Variants in HECW1 observed in about 807,000 individuals in gnomAD.
HECW1 encodes E3 ubiquitin-protein ligase HECW1.
HECW1 carries 61 observed loss-of-function variants against 182.3 expected under a neutral mutation model. The ratio of observed to expected loss-of-function variants is 0.33; its 90% CI spans 0.27 to 0.41. The LOEUF is 0.41. Ranked by LOEUF, HECW1 falls within the 10% of genes least tolerant of loss-of-function variation. The probability of loss-of-function intolerance (pLI) is 1.00; values close to 1 mark genes in which losing one functional copy is unlikely to be tolerated. For missense variants in HECW1, 1,739 were observed against 2,108.9 expected (o/e 0.82, Z 3.44); for synonymous variants, 859 against 832.6 (o/e 1.03, Z -0.55).
chr7:43,131,720 T>TA (rs1786939834), intron 2 of HECW1, among the ~76,000 whole-genome samples: 1 of 152,234 alleles, frequency 6.6e-6, no homozygotes. Flanking sequence ...CGCTATGATT[T>TA]AAACCCTTTT....
At chr7:43,449,826 C>T (rs1223761181) in intron 11 of HECW1, among the ~76,000 whole-genome samples, 1 of 152,208 alleles carries the variant, frequency 6.6e-6, no homozygotes, top group Non-Finnish European at 1.5e-5. Context: ...GCCCTTCTCA[C>T]TCTGCAAAGA....
At chr7:43,426,203 A>C (rs992928877) in intron 8 of HECW1, among the ~76,000 whole-genome samples, 2 of 152,216 alleles carry the variant, frequency 1.3e-5, no homozygotes, top group Non-Finnish European at 2.9e-5. Flanking sequence ...ATCCTTTTAC[A>C]TCTGTTTATA....
intron 5 of HECW1, among the ~76,000 whole-genome samples, chr7:43,348,067 TC>T (rs1464327767): frequency 1.3e-5 from 2 of 152,186 alleles, no homozygotes; most frequent in African/African-American, 4.8e-5. Context: ...TCTTTCTCTA[TC>T]TTGTGGAATA....
intron 26 of HECW1, among the ~76,000 whole-genome samples, chr7:43,543,264 A>G (rs1183389764): frequency 6.6e-6 from 1 of 152,170 alleles, no homozygotes; most frequent in Non-Finnish European, 1.5e-5. Flanking sequence ...CCTCACATCA[A>G]TGTGGACAGT....
chr7:43,212,046 ACCCCT>A (rs1796049337), intron 2 of HECW1, among the ~76,000 whole-genome samples: 1 of 152,150 alleles, frequency 6.6e-6, no homozygotes, highest in Non-Finnish European at 1.5e-5. Flanking sequence ...ATTGGAAACA[ACCCCT>A]ACCCATATTT....
intron 2 of HECW1, among the ~76,000 whole-genome samples, chr7:43,137,760 G>A (rs1018273645): frequency 6.6e-6 from 1 of 151,890 alleles, no homozygotes; most frequent in Admixed American, 6.6e-5. Flanking sequence ...ATGTTGCTCA[G>A]GCTGGTCTCG....
At chr7:43,466,049 A>AGGAG (rs1364687338) in intron 14 of HECW1, among the ~76,000 whole-genome samples, 1 of 99,754 alleles carries the variant, frequency 1.0e-5, no homozygotes, top group Non-Finnish European at 2.1e-5. Flanking sequence ...GGAAGGGGGA[A>AGGAG]GGAGGGAGGG....
chr7:43,427,636 T>G lies in HECW1; in HGVS notation c.802-10367T>G, dbSNP rs189798368. ...GCAGCCATTTATTATCTCACAATTC[T>G]GTAGGTCAGAAGTCTGGGCACAACC... is the stretch of plus-strand genomic sequence containing the variant. On this transcript the variant is annotated intron_variant, in intron 8 of 29. Coordinates refer to ENST00000395891, the MANE Select transcript of HECW1 (RefSeq NM_015052.5). Among the ~76,000 whole-genome samples, 5 of 152,332 alleles carry G rather than the reference T, an allele frequency of 3.3e-5. No homozygotes were observed. In the East Asian group the frequency reaches 9.6e-4, roughly 29 times the overall value.
At chr7:43,174,935 T>A (rs915379057) in intron 2 of HECW1, among the ~76,000 whole-genome samples, 7 of 152,170 alleles carry the variant, frequency 4.6e-5, no homozygotes, top group African/African-American at 1.7e-4. Flanking sequence ...TTATATAATA[T>A]TTGAACAAAA....
intron 3 of HECW1, among the ~76,000 whole-genome samples, chr7:43,262,405 A>T (rs543185440): frequency 1.3e-5 from 2 of 152,214 alleles, no homozygotes; most frequent in African/African-American, 4.8e-5. Context: ...CAAGGTATTG[A>T]TGATATTATT....
chr7:43,558,263 G>A (rs57766152), intron 29 of HECW1, among the ~76,000 whole-genome samples: 1 of 152,226 alleles, frequency 6.6e-6, no homozygotes, highest in African/African-American at 2.4e-5. Context: ...GAATAAAGGA[G>A]AGGGGAGAAT....
Position 43,562,770 on chromosome 7 carries a change from A to G in HECW1, c.*844A>G. ...GAGGTAGCATGAAGGATGAGGCTTC[A>G]GCCCCCATTGTCTTATGTAGAATGT... On this transcript the variant is annotated 3_prime_UTR_variant, in exon 30 of 30. Coordinates refer to ENST00000395891, the MANE Select transcript of HECW1 (RefSeq NM_015052.5). The G allele has an allele frequency of 4.6e-6, 1 of 217,560 alleles. No homozygotes were observed. 13.5% of individuals were successfully genotyped at this position (217,560 alleles called of 1,614,324 possible). A position where few individuals can be genotyped will look rare whatever the true frequency, so the allele number is the denominator to read the frequency against.
Position 43,493,064 on chromosome 7 carries a change from T to A in HECW1, c.3341-20T>A. 6.4e-7 allele frequency: 1 copy of A among 1,571,160 alleles called. No homozygotes were observed. The highest frequency in any genetic ancestry group is 8.8e-7 in the Non-Finnish European group (1 of 1,141,972). On this transcript the variant is annotated intron_variant, in intron 18 of 29. Coordinates refer to ENST00000395891, the MANE Select transcript of HECW1 (RefSeq NM_015052.5). ...TCTGGGCTGCAGACTCAACCACAAC[T>A]GTGCTTTTGTCTGTTTCAGCATATA...
chr7:43,193,418 G>T (rs1316107495), intron 2 of HECW1, among the ~76,000 whole-genome samples: 2 of 151,822 alleles, frequency 1.3e-5, no homozygotes, highest in East Asian at 3.9e-4. Context: ...AACTTGCTCT[G>T]TCGCCCAGGC....
intron 2 of HECW1, among the ~76,000 whole-genome samples, chr7:43,131,035 G>A (rs1184772240): frequency 6.6e-6 from 1 of 152,142 alleles, no homozygotes; most frequent in Non-Finnish European, 1.5e-5. Flanking sequence ...GGAGGCCAAG[G>A]CGGGTGAATC....
chr7:43,560,666 T>A (rs1160591600), intron 29 of HECW1, among the ~76,000 whole-genome samples: 1 of 152,204 alleles, frequency 6.6e-6, no homozygotes, highest in Non-Finnish European at 1.5e-5. Flanking sequence ...AGTGATCTGA[T>A]ACTCTGATTT....
chr7:43,145,560 A>G (rs1788617965), intron 2 of HECW1, among the ~76,000 whole-genome samples: 1 of 152,192 alleles, frequency 6.6e-6, no homozygotes, highest in South Asian at 2.1e-4. Context: ...GGCCTCCCAA[A>G]GTGCTGGGAT....
Position 43,488,385 on chromosome 7 carries a change from A to AAT in HECW1, c.3235-3690_3235-3689insAT, listed in dbSNP as rs1563045114. ...AAGGAAGGAAGGAAGGAAGGAAGGA[A>AAT]GGAAGGAAGGAAGGAAATGAAAGAA... On this transcript the variant is annotated intron_variant, in intron 17 of 29. Coordinates refer to ENST00000395891, the MANE Select transcript of HECW1 (RefSeq NM_015052.5). 8.3e-4 allele frequency among the ~76,000 whole-genome samples: 83 copies of AAT among 100,404 alleles called. 3 individuals carry two copies. Among genetic ancestry groups the AAT allele is most frequent in the Non-Finnish European group, 1.7e-3 (70 of 41,776 alleles). The allele number at this position is 100,404 out of a possible 152,430, so 65.9% of individuals were successfully genotyped here.
intron 8 of HECW1, among the ~76,000 whole-genome samples, chr7:43,407,979 A>G (rs942398665): frequency 2.0e-5 from 3 of 152,160 alleles, no homozygotes; most frequent in African/African-American, 7.2e-5. Flanking sequence ...TTCAGAACCC[A>G]TGCCGCGAGC....
Sources: allele counts gnomAD v4.1 joint callset (sites outside exome capture counted in the v4.1 genomes callset), GRCh38; gene constraint gnomAD v4.1.1; transcripts MANE v1.5; gene names NCBI Gene and HGNC (gene_info 2026-07-23, HGNC 2026-07-21).